TET1: variants seen among roughly 807,000 people sequenced by gnomAD.
TET1 encodes the protein methylcytosine dioxygenase TET1.
A neutral mutation model predicts 148.7 loss-of-function variants in TET1; 13 were observed. The observed-to-expected ratio is 0.09, with a 90% CI of 0.06 to 0.14. The LOEUF (loss-of-function observed/expected upper bound fraction) is 0.14, where lower values mean the gene tolerates loss of function less well. Ranked by LOEUF, TET1 falls within the 10% of genes least tolerant of loss-of-function variation. The pLI is 1.00. For synonymous variants in TET1, 907 were observed against 937.2 expected (o/e 0.97, Z 0.59); for missense variants, 2,182 against 2,553.8 (o/e 0.85, Z 3.14).
At chr10:68,575,199 C>T (rs980587321) in intron 2 of TET1, among the ~76,000 whole-genome samples, 2 of 152,024 alleles carry the variant, frequency 1.3e-5, no homozygotes, top group African/African-American at 2.4e-5. Flanking sequence ...GCCTGGCTGA[C>T]GTGGTGAAAC....
intron 2 of TET1, among the ~76,000 whole-genome samples, chr10:68,594,279 T>G (rs1467445330): frequency 1.3e-5 from 2 of 152,068 alleles, no homozygotes; most frequent in African/African-American, 4.8e-5. Context: ...ACACAGGGAG[T>G]AGGCCTTCCA....
intron 2 of TET1, among the ~76,000 whole-genome samples, chr10:68,599,661 C>T (rs766205633): frequency 6.6e-6 from 1 of 152,188 alleles, no homozygotes; most frequent in African/African-American, 2.4e-5. Flanking sequence ...TCCGTCTGAC[C>T]GCGAGTCTGG....
intron 6 of TET1, among the ~76,000 whole-genome samples, chr10:68,655,815 T>A (rs2055013255): frequency 6.6e-6 from 1 of 152,142 alleles, no homozygotes; most frequent in Non-Finnish European, 1.5e-5. Context: ...CCCAGGGGAC[T>A]CCAACCCCTG....
In TET1 at chr10:68,645,693, A is replaced by C; in HGVS notation, c.2964A>C (p.Gln988His). Residue 988 changes from glutamine to histidine, a missense_variant, in exon 4 of 12, where the codon CAA (glutamine) becomes CAC (histidine). Coordinates refer to ENST00000373644, the MANE Select transcript of TET1 (RefSeq NM_030625.3). Reference protein sequence around the residue: ...SNSHINSATNQASTKSHEYSK... With the variant: ...SNSHINSATNHASTKSHEYSK... ...CACATATCAACTCAGCTACTAACCA[A>C]GCATCCACAAAGTCACATGAATATT... is the stretch of plus-strand genomic sequence containing the variant. The C allele has an allele frequency of 6.2e-7, 1 of 1,614,214 alleles. No individual in the cohort carries two copies. Among genetic ancestry groups the C allele is most frequent in the Non-Finnish European group, 8.5e-7 (1 of 1,180,034 alleles).
intron 3 of TET1, among the ~76,000 whole-genome samples, chr10:68,641,213 TC>T (rs2054748179): frequency 6.6e-6 from 1 of 152,050 alleles, no homozygotes; most frequent in Non-Finnish European, 1.5e-5. Context: ...TTCTTTTTTT[TC>T]TTTTTGAGTT....
At chr10:68,632,560 G>A (rs2054590102) in intron 3 of TET1, 1 of 1,608,206 alleles carries the variant, frequency 6.2e-7, no homozygotes, top group Non-Finnish European at 8.5e-7. Flanking sequence ...TGTTGGAGTA[G>A]GGGGGTTTAT....
At chr10:68,669,633 C>T (rs2055245548) in intron 7 of TET1, among the ~76,000 whole-genome samples, 1 of 151,624 alleles carries the variant, frequency 6.6e-6, no homozygotes, top group Non-Finnish European at 1.5e-5. Flanking sequence ...GGATTACAGG[C>T]GTGAGCCACC....
At chr10:68,627,136 A>G (rs960068238) in intron 3 of TET1, among the ~76,000 whole-genome samples, 11 of 151,992 alleles carry the variant, frequency 7.2e-5, no homozygotes, top group African/African-American at 2.7e-4. Context: ...GGCTGGGCGC[A>G]GTGGCTCATG....
chr10:68,659,693 TGTTA>T (rs1260780521), intron 6 of TET1, among the ~76,000 whole-genome samples: 10 of 152,360 alleles, frequency 6.6e-5, no homozygotes, highest in African/African-American at 9.6e-5. Flanking sequence ...ACTCTTTTTA[TGTTA>T]GTTTGTTTAC....
intron 3 of TET1, among the ~76,000 whole-genome samples, chr10:68,618,342 T>C (rs918906404): frequency 3.3e-5 from 5 of 152,070 alleles, no homozygotes; most frequent in Non-Finnish European, 7.4e-5. Flanking sequence ...TTAAAAAAAA[T>C]AGGTATTAGG....
At chr10:68,673,874 T>C (rs2055308232) in intron 8 of TET1, among the ~76,000 whole-genome samples, 1 of 151,430 alleles carries the variant, frequency 6.6e-6, no homozygotes, top group African/African-American at 2.4e-5. Flanking sequence ...AAAGTTAATA[T>C]CAATGTAGTT....
At chr10:68,638,329 C>G (rs1440884500) in intron 3 of TET1, among the ~76,000 whole-genome samples, 1 of 152,184 alleles carries the variant, frequency 6.6e-6, no homozygotes, top group African/African-American at 2.4e-5. Context: ...TAGACAAATA[C>G]TTTGTGGTCT....
intron 6 of TET1, among the ~76,000 whole-genome samples, chr10:68,658,149 T>C (rs141646517): frequency 1.8e-3 from 272 of 152,348 alleles, no homozygotes; most frequent in African/African-American, 6.4e-3. Context: ...ATGTATATGC[T>C]TAGGTTTGTT....
chr10:68,648,321 C>T (rs1423452566), intron 4 of TET1, among the ~76,000 whole-genome samples: 2 of 152,118 alleles, frequency 1.3e-5, no homozygotes, highest in African/African-American at 4.8e-5. Flanking sequence ...TAGTTACTGT[C>T]TATGGCCAAA....
rs1175415356 is a variant in TET1, at chr10:68,646,431, A to C, written c.3702A>C (p.Thr1234=). 6.2e-7 allele frequency: 1 copy of C among 1,614,108 alleles called. No homozygotes were observed. ...CGAGGTCCATTATGCAACCCAAAAC[A>C]GTATTTCCACCACTCACTCAGATAA... ...AQTRSIMQPK[T]VFPPLTQIKL... The change falls in exon 4 of 12, where the codon ACA becomes ACC. Residue 1234 remains threonine, a synonymous_variant. Coordinates refer to ENST00000373644, the MANE Select transcript of TET1 (RefSeq NM_030625.3).
intron 3 of TET1, among the ~76,000 whole-genome samples, chr10:68,607,171 T>C (rs1193014924): frequency 7.0e-6 from 1 of 142,646 alleles, no homozygotes; most frequent in African/African-American, 2.6e-5. Context: ...TTCAGGCTAT[T>C]AAAAAAAAAA....
chr10:68,567,869 A>T (rs1009401534), intron 1 of TET1, among the ~76,000 whole-genome samples: 7 of 152,154 alleles, frequency 4.6e-5, no homozygotes, highest in African/African-American at 1.7e-4. Flanking sequence ...ACAAATGGTT[A>T]CCAACAACCG....
intron 3 of TET1, among the ~76,000 whole-genome samples, chr10:68,609,979 C>T (rs892343223): frequency 5.3e-5 from 8 of 151,612 alleles, no homozygotes; most frequent in African/African-American, 1.7e-4. Flanking sequence ...AAAACTACAT[C>T]TCTATATATT....
intron 3 of TET1, chr10:68,632,287 A>C (rs2054584739): frequency 4.4e-6 from 5 of 1,142,254 alleles, no homozygotes; most frequent in East Asian, 2.6e-5. Flanking sequence ...CCGCCACTGC[A>C]CTCCAGCCTG....
Sources: allele counts gnomAD v4.1 joint callset (sites outside exome capture counted in the v4.1 genomes callset), GRCh38; gene constraint gnomAD v4.1.1; transcripts MANE v1.5; gene names NCBI Gene and HGNC (gene_info 2026-07-23, HGNC 2026-07-21).